ADGRF3: variants seen among roughly 807,000 people sequenced by gnomAD.
ADGRF3 encodes G protein-coupled receptor 113.
In ADGRF3, 85 loss-of-function variants were observed where a neutral mutation model predicts 93.2. The observed-to-expected ratio is 0.91, with a 90% confidence interval of 0.77 to 1.09. The LOEUF is 1.09. Among genes scored for constraint, ADGRF3 ranks in the 50% least tolerant of loss-of-function variants. The probability of loss-of-function intolerance (pLI) is 0.00; values close to 1 mark genes in which losing one functional copy is unlikely to be tolerated. For missense variants in ADGRF3, 1,125 were observed against 1,246.2 expected, an observed-to-expected ratio of 0.90 and a Z score of 1.46; for synonymous variants, 534 against 532.5, an observed-to-expected ratio of 1.00 and a Z score of -0.04.
At chr2:26,315,894 T>A (rs940976678) in intron 4 of ADGRF3, 154 bp from the exon 5 acceptor site, 22 of 1,118,294 alleles carry the variant, frequency 2.0e-5, no homozygotes, top group Non-Finnish European at 2.6e-5. Flanking sequence ...GGTGGGCACC[T>A]GAATGTGGCT....
In ADGRF3 at chr2:26,346,225, G is replaced by C; in HGVS notation, c.10C>G (p.Arg4Gly). 6.2e-7 allele frequency: 1 copy of C among 1,613,650 alleles called. No homozygotes were observed. Residue 4 changes from arginine to glycine, a missense_variant, in exon 1 of 14, where the codon CGA (arginine) becomes GGA (glycine). Physicochemically the swap from Arg to Gly is moderately radical, Grantham distance 125. Transcript: ENST00000651242. MTT[R>G]KLSAHSAATP... The stretch of plus-strand genomic sequence containing the variant: ...GCTGCCGAGTGGGCGCTCAGTTTTC[G>C]GGTCGTCATGGCTGGCTACGAATAC...
intron 1 of ADGRF3, among the ~76,000 whole-genome samples, chr2:26,334,127 T>G (rs1675913746): frequency 6.6e-6 from 1 of 151,974 alleles, no homozygotes; most frequent in African/African-American, 2.4e-5. Flanking sequence ...TTTAAAGGGT[T>G]GTACCTGTAC....
intron 1 of ADGRF3, among the ~76,000 whole-genome samples, chr2:26,344,611 G>A (rs985445372): frequency 2.6e-5 from 4 of 152,170 alleles, no homozygotes; most frequent in Non-Finnish European, 5.9e-5. Context: ...TACTGCCCTC[G>A]AGGGCAAGTG....
intron 3 of ADGRF3, 102 bp downstream of exon 3, chr2:26,316,810 A>G: frequency 7.5e-7 from 1 of 1,326,092 alleles, no homozygotes. Flanking sequence ...CCCTTCCTCC[A>G]GGAAATACAG....
Position 26,309,112 on chromosome 2 carries a change from GAA to G in ADGRF3, c.2994-7_2994-6del, listed in dbSNP as rs2147855365. ...CACTCTGAAGCATCTGTCTTCCTGT[GAA>G]AGAGCTTGCGGCTGGTGAGTGGATA... On this transcript the variant is annotated splice_region_variant and splice_polypyrimidine_tract_variant and intron_variant, in intron 13 of 13. Coordinates refer to ENST00000651242, the MANE Select transcript of ADGRF3 (RefSeq NM_001321971.2). The G allele has an allele frequency of 6.2e-7, 1 of 1,614,044 alleles. No individual in the cohort carries two copies. Among genetic ancestry groups the G allele is most frequent in the African/African-American group, 1.3e-5 (1 of 75,050 alleles).
In ADGRF3 at chr2:26,311,825, C is replaced by A. The variant is rs139789678; in HGVS notation, c.1699G>T (p.Ala567Ser). The A allele has an allele frequency of 6.9e-5, 111 of 1,613,724 alleles. No homozygotes were observed. In the Middle Eastern group the frequency reaches 1.5e-3, roughly 22 times the overall value. Reference sequence around the variant, plus strand: ...GCCAGTGAGTGCCTGGGAATCTGAGCCTGCAGTGGGGGCCGAGTAGGGAAG... The same window carrying A: ...GCCAGTGAGTGCCTGGGAATCTGAGACTGCAGTGGGGGCCGAGTAGGGAAG... The part of the protein sequence containing the change: ...ISFPTRPPLQ[A>S]QIPRHSLAPL... Residue 567 changes from alanine to serine, a missense_variant, in exon 10 of 14, where the codon GCT (alanine) becomes TCT (serine). Transcript: ENST00000651242.
Position 26,326,764 on chromosome 2 carries a change from T to C in ADGRF3, c.115-9202A>G, listed in dbSNP as rs547018836. 1.2e-4 allele frequency among the ~76,000 whole-genome samples: 18 copies of C among 152,246 alleles called. No homozygotes were observed. In the East Asian group the frequency reaches 2.9e-3, roughly 25 times the overall value. ...TCTGCCCATAACCACAGGTTTACCA[T>C]GGAAGTAGCCTTTTTCTTTTTTCTT... is the stretch of plus-strand genomic sequence containing the variant. On this transcript the variant is annotated intron_variant, in intron 1 of 13. Coordinates refer to ENST00000651242, the MANE Select transcript of ADGRF3 (RefSeq NM_001321971.2).
At chr2:26,319,240 C>T (rs897576796) in intron 1 of ADGRF3, 2 of 568,518 alleles carry the variant, frequency 3.5e-6, no homozygotes, top group East Asian at 3.0e-5. Flanking sequence ...CTGGAGCCCA[C>T]ATGCCCCAGT....
chr2:26,315,370 T>C (rs1468123842), intron 5 of ADGRF3, among the ~76,000 whole-genome samples, 152 bp downstream of exon 5: 1 of 150,264 alleles, frequency 6.7e-6, no homozygotes, highest in Non-Finnish European at 1.5e-5. Context: ...AATGGAAAGA[T>C]GAAAAGGGTG....
At position 26,310,701 on chromosome 2, in the gene ADGRF3, G is replaced by A. The variant is rs1021310539; in HGVS notation, c.2823C>T (p.Asn941=). Residue 941 remains asparagine (N), a synonymous_variant, in exon 10 of 14, where the codon AAC becomes AAT. Coordinates refer to ENST00000651242, the MANE Select transcript of ADGRF3 (RefSeq NM_001321971.2). ...CCCCCCTATCACCTACCTGGAGGGT[G>A]TTGAGAATGGTGAAGATGTAATGAG... The part of the protein sequence containing the change: ...TVPHYIFTIL[N]TLQGVFILLF... The A allele has an allele frequency of 1.9e-6, 3 of 1,611,056 alleles. No individual in the cohort carries two copies. Among genetic ancestry groups the A allele is most frequent in the Non-Finnish European group, 2.5e-6 (3 of 1,178,624 alleles).
At chr2:26,332,210 G>A (rs1454247148) in intron 1 of ADGRF3, among the ~76,000 whole-genome samples, 1 of 152,126 alleles carries the variant, frequency 6.6e-6, no homozygotes, top group East Asian at 1.9e-4. Flanking sequence ...CCTTGTGAGG[G>A]GACAGACATT....
intron 1 of ADGRF3, among the ~76,000 whole-genome samples, chr2:26,322,058 G>A (rs1301107165): frequency 6.7e-6 from 1 of 150,004 alleles, no homozygotes. Context: ...GCCAAGGTGG[G>A]CAGATCATGA....
intron 12 of ADGRF3, chr2:26,309,815 G>A (rs77635864): frequency 9.3e-7 from 1 of 1,076,656 alleles, no homozygotes; most frequent in Non-Finnish European, 1.3e-6. Context: ...AAGAGAGTCA[G>A]CAGGAGTCCA....
chr2:26,310,091 C>T lies in ADGRF3; in HGVS notation c.2889G>A (p.Leu963=). The change falls in exon 12 of 14, where the codon TTG becomes TTA. Residue 963 remains leucine (L), a synonymous_variant. Coordinates refer to ENST00000651242, the MANE Select transcript of ADGRF3 (RefSeq NM_001321971.2). ...CTTGGGCGCGGCAGAAGCGTTTGCGCAAAGCTTCTTGTATCTGCGGGAGAG... is the reference window on the plus strand; with the variant it reads ...CTTGGGCGCGGCAGAAGCGTTTGCGTAAAGCTTCTTGTATCTGCGGGAGAG... The part of the protein sequence containing the change: ...CLMDRKIQEA[L]RKRFCRAQAP... 1 of 1,614,046 alleles carries T rather than the reference C, an allele frequency of 6.2e-7. No homozygotes were observed. Among genetic ancestry groups the T allele is most frequent in the Non-Finnish European group, 8.5e-7 (1 of 1,179,900 alleles).
At chr2:26,330,625 G>A (rs1017941606) in intron 1 of ADGRF3, among the ~76,000 whole-genome samples, 2 of 152,116 alleles carry the variant, frequency 1.3e-5, no homozygotes. Context: ...CTTAGAGGCT[G>A]GGTGTGAAAG....
Position 26,314,443 on chromosome 2 carries a change from G to C in ADGRF3, c.899C>G (p.Ala300Gly). The C allele has an allele frequency of 6.2e-7, 1 of 1,613,940 alleles. No individual in the cohort carries two copies. Among genetic ancestry groups the C allele is most frequent in the South Asian group, 1.1e-5 (1 of 91,082 alleles). The change falls in exon 6 of 14, where the codon GCG becomes GGG. Residue 300 changes from alanine to glycine, a missense_variant. Transcript: ENST00000651242. The part of the protein sequence containing the change: ...CIPSTNLAYT[A>G]AWSPGEGSKA... ...GCTGCCCTCTCCAGGGCTCCAGGCC[G>C]CGGTGTAGGCCAGGTTTGTGCTGGG...
At chr2:26,342,931 C>T (rs1676471506) in intron 1 of ADGRF3, among the ~76,000 whole-genome samples, 1 of 151,894 alleles carries the variant, frequency 6.6e-6, no homozygotes, top group Non-Finnish European at 1.5e-5. Flanking sequence ...CAGAATTCTG[C>T]GAAAATACAG....
At chr2:26,319,220 T>C (rs933073618) in intron 1 of ADGRF3, 36 of 647,030 alleles carry the variant, frequency 5.6e-5, no homozygotes, top group African/African-American at 1.1e-4. Context: ...CAGGTCACTG[T>C]GGGGGCCACC....
chr2:26,311,969 C>T lies in ADGRF3; in HGVS notation c.1555G>A (p.Val519Met), dbSNP rs774530293. ...PWAGSTLLLA[V>M]ETLACSLCPQ... The stretch of plus-strand genomic sequence containing the variant: ...CACAGGCTGCATGCCAGGGTCTCCA[C>T]AGCCAGCAGGAGAGTCGAGCCTGCC... The change falls in exon 10 of 14, where the codon GTG becomes ATG. Residue 519 changes from valine to methionine, a missense_variant. Val to Met is a conservative substitution (Grantham distance 21). Transcript: ENST00000651242. 6.2e-7 allele frequency: 1 copy of T among 1,613,296 alleles called. No homozygotes were observed. Among genetic ancestry groups the T allele is most frequent in the South Asian group, 1.1e-5 (1 of 91,064 alleles).
Sources: gnomAD v4.1 joint callset for allele counts (sites outside exome capture counted in the v4.1 genomes callset) on GRCh38, gnomAD v4.1.1 for gene constraint, MANE v1.5 for transcripts, NCBI Gene and HGNC (gene_info 2026-07-23, HGNC 2026-07-21) for gene names.